Variants in TNRC6B observed in about 807,000 individuals in gnomAD.
TNRC6B encodes trinucleotide repeat containing adaptor 6B.
In TNRC6B, 52 loss-of-function variants were observed where a neutral mutation model predicts 203.6. The ratio of observed to expected loss-of-function variants is 0.26; its 90% CI spans 0.20 to 0.32. The LOEUF is 0.32. Among genes scored for constraint, TNRC6B ranks in the 10% least tolerant of loss-of-function variants. The pLI is 1.00. For missense variants in TNRC6B, 1,923 were observed against 2,286.2 expected (o/e 0.84, Z 3.24); for synonymous variants, 838 against 845.7 (o/e 0.99, Z 0.16).
At chr22:40,222,728 CTTTTTTTTTTT>C (rs61374373) in intron 1 of TNRC6B, among the ~76,000 whole-genome samples, 28 of 40,208 alleles carry the variant, frequency 7.0e-4, no homozygotes, top group African/African-American at 1.1e-3. Flanking sequence ...CTCTCTCTCT[CTTTTTTTTTTT>C]TTTTTTTTTT....
intron 13 of TNRC6B, 67 bp from the exon 14 acceptor site, chr22:40,300,843 T>C: frequency 6.7e-7 from 1 of 1,486,678 alleles, no homozygotes; most frequent in Non-Finnish European, 9.2e-7. Context: ...GCACAGACCC[T>C]TTAGGTGTCC....
intron 21 of TNRC6B, among the ~76,000 whole-genome samples, chr22:40,318,323 A>G (rs992281519): frequency 6.6e-5 from 10 of 152,102 alleles, no homozygotes; most frequent in East Asian, 1.9e-4. Context: ...CGAGGCGGGC[A>G]GATCACAAGG....
chr22:40,150,930 C>A (rs575421160), intron 3 of TNRC6B, among the ~76,000 whole-genome samples: 1 of 152,134 alleles, frequency 6.6e-6, no homozygotes, highest in Non-Finnish European at 1.5e-5. Flanking sequence ...AGGAAACTCT[C>A]CCTTACCCCT....
intron 6 of TNRC6B, among the ~76,000 whole-genome samples, chr22:40,272,459 T>C (rs1175512833): frequency 6.6e-6 from 1 of 152,236 alleles, no homozygotes; most frequent in East Asian, 1.9e-4. Flanking sequence ...CCTTAAACTC[T>C]TCATATAAAG....
chr22:40,195,352 C>G (rs2069323424), intron 1 of TNRC6B, among the ~76,000 whole-genome samples: 1 of 152,210 alleles, frequency 6.6e-6, no homozygotes, highest in Non-Finnish European at 1.5e-5. Context: ...AATTCCTGAT[C>G]CCAGTGTTTT....
intron 3 of TNRC6B, among the ~76,000 whole-genome samples, chr22:40,147,150 A>G (rs950190083): frequency 3.9e-5 from 6 of 152,244 alleles, no homozygotes; most frequent in South Asian, 2.1e-4. Flanking sequence ...ATGCTACAAC[A>G]TAGATGAATA....
intron 1 of TNRC6B, among the ~76,000 whole-genome samples, chr22:40,205,268 A>G (rs1306224309): frequency 6.6e-6 from 1 of 152,236 alleles, no homozygotes; most frequent in Non-Finnish European, 1.5e-5. Flanking sequence ...AAGCAAACAA[A>G]TGTAATTAAG....
At chr22:40,292,670 G>T (rs1394483991) in intron 12 of TNRC6B, among the ~76,000 whole-genome samples, 18 of 152,236 alleles carry the variant, frequency 1.2e-4, no homozygotes, top group Non-Finnish European at 2.5e-4. Context: ...TTCCTCTGCA[G>T]CCCAGGCGGG....
Position 40,125,955 on chromosome 22 carries a change from A to G in TNRC6B, c.45+93A>G. 2 of 1,281,980 alleles carry G rather than the reference A, an allele frequency of 1.6e-6. 1 individual carries two copies. Among genetic ancestry groups the G allele is most frequent in the South Asian group, 3.1e-5 (2 of 64,856 alleles). The allele number at this position is 1,281,980 out of a possible 1,614,324, so 79.4% of individuals were successfully genotyped here. ...TGGGTATTTCATTTTACATGACTGT[A>G]AAAATTCGATTGAGTTAAATTAGAA... On this transcript the variant is annotated intron_variant, in intron 3 of 23. Transcript: ENST00000301923.
At chr22:40,283,501 T>C (rs1470453953) in intron 11 of TNRC6B, among the ~76,000 whole-genome samples, 1 of 152,196 alleles carries the variant, frequency 6.6e-6, no homozygotes, top group East Asian at 1.9e-4. Context: ...TAAATATTTT[T>C]AAAGACCAAA....
intron 21 of TNRC6B, among the ~76,000 whole-genome samples, chr22:40,319,495 C>T (rs999585434): frequency 6.0e-5 from 9 of 150,370 alleles, no homozygotes; most frequent in South Asian, 2.1e-4. Flanking sequence ...GCGCGATCTC[C>T]GCTCACTGCA....
intron 4 of TNRC6B, among the ~76,000 whole-genome samples, chr22:40,164,964 T>C (rs1340465298): frequency 1.3e-5 from 2 of 151,130 alleles, no homozygotes; most frequent in Admixed American, 6.6e-5. Context: ...GTATTTTTAG[T>C]AGAGACACGG....
chr22:40,049,741 T>C (rs921721519), intron 1 of TNRC6B, among the ~76,000 whole-genome samples: 8 of 152,074 alleles, frequency 5.3e-5, no homozygotes, highest in African/African-American at 1.9e-4. Context: ...GTAGCTGGGA[T>C]TGCAGGCGCA....
chr22:40,213,996 G>A (rs1206750022), intron 1 of TNRC6B, among the ~76,000 whole-genome samples: 6 of 152,140 alleles, frequency 3.9e-5, no homozygotes, highest in Non-Finnish European at 8.8e-5. Flanking sequence ...GGCTGGGCAC[G>A]GTGGCTCACG....
intron 15 of TNRC6B, among the ~76,000 whole-genome samples, chr22:40,302,143 A>G (rs2071031935): frequency 6.6e-6 from 1 of 152,254 alleles, no homozygotes; most frequent in Admixed American, 6.5e-5. Context: ...ACATTCTTCA[A>G]GAATTTTTTG....
At chr22:40,146,799 A>C (rs1408522184) in intron 3 of TNRC6B, among the ~76,000 whole-genome samples, 2 of 151,832 alleles carry the variant, frequency 1.3e-5, no homozygotes, top group Admixed American at 1.3e-4. Flanking sequence ...TCCTGACCTC[A>C]CATAATCCAC....
chr22:40,284,654 G>T (rs1208322977), intron 11 of TNRC6B, among the ~76,000 whole-genome samples: 1 of 152,158 alleles, frequency 6.6e-6, no homozygotes, highest in East Asian at 1.9e-4. Flanking sequence ...CTATAGTGTG[G>T]TTTGATGAGT....
At chr22:40,295,817 G>GT (rs1221294543) in intron 12 of TNRC6B, among the ~76,000 whole-genome samples, 2 of 152,184 alleles carry the variant, frequency 1.3e-5, no homozygotes, top group Non-Finnish European at 2.9e-5. Flanking sequence ...CCTTGGACTA[G>GT]TTGTGTAATG....
intron 1 of TNRC6B, among the ~76,000 whole-genome samples, chr22:40,113,538 G>A (rs1225954301): frequency 1.3e-5 from 2 of 152,086 alleles, no homozygotes; most frequent in Non-Finnish European, 2.9e-5. Flanking sequence ...TGTGTTTTTT[G>A]TAGAGATGGG....
Sources: gnomAD v4.1 joint callset for allele counts (sites outside exome capture counted in the v4.1 genomes callset) on GRCh38, gnomAD v4.1.1 for gene constraint, MANE v1.5 for transcripts, NCBI Gene and HGNC (gene_info 2026-07-23, HGNC 2026-07-21) for gene names.